CCNC: variants seen among roughly 807,000 people sequenced by gnomAD.
CCNC encodes the protein cyclin-C.
CCNC carries 19 observed loss-of-function variants against 50.0 expected under a neutral mutation model. The ratio of observed to expected loss-of-function variants is 0.38; its 90% CI spans 0.27 to 0.56. CCNC has a LOEUF of 0.56. Ranked by LOEUF, CCNC falls within the 20% of genes least tolerant of loss-of-function variation. CCNC has a pLI of 0.72. For synonymous variants in CCNC, 93 were observed against 103.7 expected (o/e 0.90, Z 0.63); for missense variants, 200 against 327.1 (o/e 0.61, Z 3.00).
Position 99,561,699 on chromosome 6 carries a change from A to C in CCNC, c.140-18T>G, listed in dbSNP as rs368911049. ...TTGGATAACTAAAAGGCAAATAATG[A>C]AATTTTAAATGTATCTTCTGGTATC... On this transcript the variant is annotated intron_variant, in intron 2 of 11. Coordinates refer to ENST00000520429, the MANE Select transcript of CCNC (RefSeq NM_005190.4). The C allele has an allele frequency of 2.2e-6, 3 of 1,394,902 alleles. No individual in the cohort carries two copies. Among genetic ancestry groups the C allele is most frequent in the Non-Finnish European group, 1.0e-6 (1 of 983,488 alleles). The allele number at this position is 1,394,902 out of a possible 1,614,324, so 86.4% of individuals were successfully genotyped here.
chr6:99,549,288 C>CTCAAA, intron 9 of CCNC: 1 of 487,872 alleles, frequency 2.0e-6, no homozygotes, highest in Non-Finnish European at 3.6e-6. Flanking sequence ...TGAATGGTTT[C>CTCAAA]AAAAAAAAAA....
chr6:99,564,349 C>T (rs1288171535), intron 1 of CCNC, among the ~76,000 whole-genome samples: 6 of 149,546 alleles, frequency 4.0e-5, no homozygotes, highest in African/African-American at 1.5e-4. Context: ...TGCTTGAACC[C>T]GGGAGGTGGA....
Position 99,546,451 on chromosome 6 carries a change from C to T in CCNC, c.622G>A (p.Val208Ile). Residue 208 changes from valine to isoleucine, a missense_variant, in exon 10 of 12, where the codon GTA becomes ATA. Transcript: ENST00000520429. Reference sequence around the variant, plus strand: ...CATTGCCTGGCATCTTTCTGCTGTACAACACAGGCTACATGTAGGCAAGCT... The same window carrying T: ...CATTGCCTGGCATCTTTCTGCTGTATAACACAGGCTACATGTAGGCAAGCT... ...ALACLHVACVVQQKDARQWFA... is the reference protein window; with the variant it reads ...ALACLHVACVIQQKDARQWFA... 1 of 1,613,094 alleles carries T rather than the reference C, an allele frequency of 6.2e-7. No homozygotes were observed. Among genetic ancestry groups the T allele is most frequent in the Non-Finnish European group, 8.5e-7 (1 of 1,179,170 alleles).
rs147922551 is a variant in CCNC, at chr6:99,548,918, C to T, written c.598+590G>A. The stretch of plus-strand genomic sequence containing the variant: ...AACCTATCTCATTTAATTCTTCAAA[C>T]GGCTCAGTGGAATTATTAGTATTCT... On this transcript the variant is annotated intron_variant, in intron 9 of 11. Transcript: ENST00000520429. Among the ~76,000 whole-genome samples, 307 of 152,002 alleles carry T rather than the reference C, an allele frequency of 2.0e-3. 3 individuals carry two copies. Among genetic ancestry groups the T allele is most frequent in the African/African-American group, 6.9e-3 (286 of 41,460 alleles).
chr6:99,555,999 T>G (rs1802495351), intron 5 of CCNC, among the ~76,000 whole-genome samples: 1 of 39,484 alleles, frequency 2.5e-5, no homozygotes, highest in East Asian at 6.6e-3. Context: ...AAATCTGGCT[T>G]GTTTGTTCTT....
intron 5 of CCNC, among the ~76,000 whole-genome samples, chr6:99,552,566 C>A (rs184064933): frequency 3.0e-4 from 45 of 152,072 alleles, no homozygotes; most frequent in African/African-American, 1.0e-3. Flanking sequence ...AAAATGTTAA[C>A]CATCAATCCC....
intron 2 of CCNC, chr6:99,562,507 C>T (rs330866): frequency 0.014 from 2,402 of 172,792 alleles, 62 homozygotes; most frequent in African/African-American, 0.054. Flanking sequence ...CTAAGAGAAA[C>T]GACCACTATA....
At position 99,549,555 on chromosome 6, in the gene CCNC, T is replaced by C. The variant is rs948885477; in HGVS notation, c.551A>G (p.Tyr184Cys). The C allele has an allele frequency of 6.9e-6, 11 of 1,602,644 alleles. No homozygotes were observed. Among genetic ancestry groups the C allele is most frequent in the Non-Finnish European group, 9.4e-6 (11 of 1,170,200 alleles). ...PLAWRIVNDT[Y>C]RTDLCLLYPP... is the part of the protein sequence containing the mutation. ...ATACAGTAGGCAAAGATCCGTTCTGTAGGTATCATTCACTATCCTCCTATA... is the reference window on the plus strand; with the variant it reads ...ATACAGTAGGCAAAGATCCGTTCTGCAGGTATCATTCACTATCCTCCTATA... Residue 184 changes from tyrosine to cysteine, a missense_variant, in exon 9 of 12, where the codon TAC (tyrosine) becomes TGC (cysteine). Tyr to Cys is a radical substitution (Grantham distance 194). Coordinates refer to ENST00000520429, the MANE Select transcript of CCNC (RefSeq NM_005190.4).
At position 99,542,576 on chromosome 6, in the gene CCNC, C is replaced by T. The variant is rs56238691; in HGVS notation, c.*979G>A. The T allele has an allele frequency of 0.012, 1,776 of 152,656 alleles. 22 individuals carry two copies. The highest frequency in any genetic ancestry group is 0.016 in the Non-Finnish European group (1,075 of 67,986). 9.5% of individuals were successfully genotyped at this position (152,656 alleles called of 1,614,324 possible). On this transcript the variant is annotated 3_prime_UTR_variant, in exon 12 of 12. Coordinates refer to ENST00000520429, the MANE Select transcript of CCNC (RefSeq NM_005190.4). ...TGATTAATTTGCTAAGTTCCACAGA[C>T]AGTACAGTCCCACTGACATAACATT...
intron 8 of CCNC, 40 bp downstream of exon 8, chr6:99,550,173 TATCTA>T (rs971985757): frequency 3.1e-6 from 4 of 1,289,422 alleles, no homozygotes; most frequent in Non-Finnish European, 2.2e-6. Context: ...TCAACCTTCC[TATCTA>T]ATAACATGTT....
At chr6:99,552,404 G>A (rs529078274) in intron 5 of CCNC, among the ~76,000 whole-genome samples, 1 of 151,932 alleles carries the variant, frequency 6.6e-6, no homozygotes, top group Admixed American at 6.6e-5. Context: ...ACAATGACCA[G>A]GTATTTATCA....
chr6:99,553,412 C>T (rs373820979), intron 5 of CCNC, among the ~76,000 whole-genome samples: 25 of 152,290 alleles, frequency 1.6e-4, no homozygotes, highest in Middle Eastern at 3.4e-3. Context: ...AATATATTTA[C>T]CTGATACTGT....
intron 4 of CCNC, among the ~76,000 whole-genome samples, chr6:99,559,118 T>A (rs1169667326): frequency 6.6e-6 from 1 of 151,682 alleles, no homozygotes. Context: ...TATTAACAGA[T>A]ACTTCATGCC....
intron 10 of CCNC, among the ~76,000 whole-genome samples, chr6:99,545,446 T>A (rs934622818): frequency 5.9e-5 from 9 of 152,236 alleles, no homozygotes; most frequent in Non-Finnish European, 1.2e-4. Context: ...CATTCTTATC[T>A]ATCTCTGCAG....
intron 2 of CCNC, 155 bp from the exon 3 acceptor site, chr6:99,561,836 T>C: frequency 2.0e-6 from 1 of 500,092 alleles, no homozygotes; most frequent in Non-Finnish European, 3.6e-6. Context: ...AGTGGTCTAA[T>C]TCTAGGATTT....
intron 5 of CCNC, among the ~76,000 whole-genome samples, chr6:99,553,869 A>G (rs1470076277): frequency 6.6e-6 from 1 of 152,140 alleles, no homozygotes; most frequent in East Asian, 1.9e-4. Flanking sequence ...AGCTTCCCCT[A>G]CTATTAACAT....
At chr6:99,568,700 C>A, upstream of CCNC, 1 of 1,459,424 alleles carries the variant, frequency 6.9e-7, no homozygotes, top group Non-Finnish European at 9.0e-7. Context: ...TCCTTCACGC[C>A]GGCCGACAAC....
chr6:99,568,718 T>C, upstream of CCNC: 1 of 1,429,144 alleles, frequency 7.0e-7, no homozygotes, highest in Non-Finnish European at 9.1e-7. Context: ...AACACTCAAC[T>C]GTGCAAACCC....
At chr6:99,546,018 G>A (rs1026493384) in intron 10 of CCNC, among the ~76,000 whole-genome samples, 1 of 151,448 alleles carries the variant, frequency 6.6e-6, no homozygotes, top group Admixed American at 6.6e-5. Flanking sequence ...GCCCAGGCTC[G>A]CGTGCAGTGG....
Sources: gnomAD v4.1 joint callset for allele counts (sites outside exome capture counted in the v4.1 genomes callset) on GRCh38, gnomAD v4.1.1 for gene constraint, MANE v1.5 for transcripts, NCBI Gene and HGNC (gene_info 2026-07-23, HGNC 2026-07-21) for gene names.